Variants in SLC16A4 observed in about 807,000 individuals in gnomAD.
SLC16A4 encodes solute carrier family 16 member 4, also known as probable monocarboxylate transporter 5.
SLC16A4 carries 39 observed loss-of-function variants against 47.9 expected under a neutral mutation model. That is an observed-to-expected ratio of 0.81 (90% CI 0.63 to 1.06). The LOEUF is 1.06. Ranked by LOEUF, SLC16A4 falls within the 50% of genes least tolerant of loss-of-function variation. The pLI, the probability that SLC16A4 is intolerant of heterozygous loss-of-function variation, is 0.00. For missense variants in SLC16A4, 524 were observed against 573.8 expected (o/e 0.91, Z 0.89); for synonymous variants, 189 against 199.9 (o/e 0.95, Z 0.46).
At chr1:110,373,807 T>C (rs1661817884) in intron 8 of SLC16A4, among the ~76,000 whole-genome samples, 1 of 150,138 alleles carries the variant, frequency 6.7e-6, no homozygotes, top group African/African-American at 2.5e-5. Flanking sequence ...GCCGTGTAGC[T>C]GGGACTACAG....
intron 2 of SLC16A4, among the ~76,000 whole-genome samples, chr1:110,384,141 A>G (rs1278709827): frequency 6.6e-6 from 1 of 152,186 alleles, no homozygotes; most frequent in Non-Finnish European, 1.5e-5. Context: ...CCTCAGTAGC[A>G]TCTGTTAAAG....
At chr1:110,381,240 CT>C (rs1354747405) in intron 4 of SLC16A4, 97 bp from the exon 5 acceptor site, 4 of 1,110,764 alleles carry the variant, frequency 3.6e-6, no homozygotes, top group African/African-American at 3.1e-5. Flanking sequence ...ACAGCTAGGC[CT>C]TTTGGACCCA....
At position 110,377,155 on chromosome 1, in the gene SLC16A4, A is replaced by G. The variant is rs1299555233; in HGVS notation, c.1037T>C (p.Leu346Pro). Residue 346 changes from leucine to proline, a missense_variant, in exon 7 of 9, where the codon CTT becomes CCT. Leu to Pro is a moderately conservative substitution (Grantham distance 98). Coordinates refer to ENST00000369779, the MANE Select transcript of SLC16A4 (RefSeq NM_004696.3). ...AGAAATAATCTGACTGACCGTCTCA[A>G]GGATACCTGGAACAATATTGAAATC... is the stretch of plus-strand genomic sequence containing the variant. ...ASYLVSVAGI[L>P]ETVSQIISGW... is the part of the protein sequence containing the mutation. 6.2e-7 allele frequency: 1 copy of G among 1,613,376 alleles called. No individual in the cohort carries two copies. The highest frequency in any genetic ancestry group is 8.5e-7 in the Non-Finnish European group (1 of 1,179,374).
chr1:110,382,425 C>T (rs1039420658), intron 3 of SLC16A4, among the ~76,000 whole-genome samples: 9 of 151,962 alleles, frequency 5.9e-5, no homozygotes, highest in Non-Finnish European at 1.2e-4. Context: ...CACCACTGCA[C>T]TCCAACCTGG....
At chr1:110,373,217 T>G (rs1661778756) in intron 8 of SLC16A4, among the ~76,000 whole-genome samples, 1 of 152,222 alleles carries the variant, frequency 6.6e-6, no homozygotes, top group Non-Finnish European at 1.5e-5. Context: ...TGTTATAGTT[T>G]TGTTGCTTGT....
chr1:110,364,901 CT>C (rs879272474), intron 8 of SLC16A4, among the ~76,000 whole-genome samples: 344 of 142,128 alleles, frequency 2.4e-3, no homozygotes, highest in Admixed American at 3.0e-3. Flanking sequence ...ACTTTTTTTT[CT>C]TTTTTTTTTT....
intron 6 of SLC16A4, among the ~76,000 whole-genome samples, chr1:110,377,640 G>A (rs541986425): frequency 3.3e-5 from 5 of 152,204 alleles, no homozygotes; most frequent in African/African-American, 1.2e-4. Context: ...AATTGCATAC[G>A]AAGTTTTAGG....
intron 6 of SLC16A4, among the ~76,000 whole-genome samples, chr1:110,378,081 G>A (rs770871144): frequency 6.6e-6 from 1 of 152,060 alleles, no homozygotes; most frequent in African/African-American, 2.4e-5. Flanking sequence ...CACCTGCCTC[G>A]GCCTCCCAAA....
In SLC16A4 at chr1:110,376,937, T is replaced by A; in HGVS notation, c.1242+13A>T. 1.2e-6 allele frequency: 2 copies of A among 1,605,176 alleles called. No individual in the cohort carries two copies. Among genetic ancestry groups the A allele is most frequent in the African/African-American group, 2.7e-5 (2 of 74,856 alleles). On this transcript the variant is annotated intron_variant, in intron 7 of 8. Transcript: ENST00000369779. Reference sequence around the variant, plus strand: ...TAAATGGTTTAACAATGTTAATGAGTGTGTCTACTCACCAGTACAGGCAGT... The same window carrying A: ...TAAATGGTTTAACAATGTTAATGAGAGTGTCTACTCACCAGTACAGGCAGT...
At chr1:110,379,671 A>G in intron 5 of SLC16A4, 1 of 239,640 alleles carries the variant, frequency 4.2e-6, no homozygotes, top group South Asian at 1.1e-4. Context: ...AAAATTAAAT[A>G]GAAAATTTAA....
intron 2 of SLC16A4, among the ~76,000 whole-genome samples, chr1:110,384,660 G>C (rs950661144): frequency 1.3e-5 from 2 of 152,282 alleles, no homozygotes; most frequent in South Asian, 2.1e-4. Flanking sequence ...CAGGGGTTTC[G>C]TAGCGTTGGC....
At chr1:110,382,768 A>G (rs1013266999) in intron 3 of SLC16A4, 66 bp downstream of exon 3, 5 of 1,417,204 alleles carry the variant, frequency 3.5e-6, no homozygotes, top group Non-Finnish European at 4.7e-6. Context: ...AGTCTTGAAT[A>G]GGAATCTTGG....
At chr1:110,365,195 T>C (rs1264011343) in intron 8 of SLC16A4, among the ~76,000 whole-genome samples, 1 of 152,050 alleles carries the variant, frequency 6.6e-6, no homozygotes, top group Non-Finnish European at 1.5e-5. Flanking sequence ...CTGAACAAAA[T>C]AGATGAAAAT....
Position 110,389,289 on chromosome 1 carries a change from G to A in SLC16A4, c.35C>T (p.Thr12Ile). 1 of 1,614,034 alleles carries A rather than the reference G, an allele frequency of 6.2e-7. No homozygotes were observed. Among genetic ancestry groups the A allele is most frequent in the Non-Finnish European group, 8.5e-7 (1 of 1,179,844 alleles). ...LKREGKVQPY[T>I]KTLDGGWGWM... ...TCCCCATCCTCCATCCAGGGTTTTA[G>A]TGTAAGGTTGGACCTTCCCCTCCCT... The change falls in exon 2 of 9, where the codon ACT becomes ATT. Residue 12 changes from threonine to isoleucine, a missense_variant. Coordinates refer to ENST00000369779, the MANE Select transcript of SLC16A4 (RefSeq NM_004696.3).
chr1:110,380,564 G>A (rs1364875092), intron 5 of SLC16A4, among the ~76,000 whole-genome samples: 7 of 142,000 alleles, frequency 4.9e-5, no homozygotes, highest in Non-Finnish European at 7.5e-5. Flanking sequence ...CGATGGGGGA[G>A]GAGTTTTTTT....
chr1:110,363,604 C>T lies in SLC16A4; in HGVS notation c.*162G>A, dbSNP rs1009915791. On this transcript the variant is annotated 3_prime_UTR_variant, in exon 9 of 9. Coordinates refer to ENST00000369779, the MANE Select transcript of SLC16A4 (RefSeq NM_004696.3). ...TTGCGCCACTGCACTCCAGCCTGGG[C>T]GAAAGAGCGAGACTCCGTCTCAAAA... 6.2e-5 allele frequency: 37 copies of T among 599,546 alleles called. No homozygotes were observed. The highest frequency in any genetic ancestry group is 8.5e-5 in the Non-Finnish European group (34 of 399,582). 37.1% of individuals were successfully genotyped at this position (599,546 alleles called of 1,614,324 possible). A position where few individuals can be genotyped will look rare whatever the true frequency, so the allele number is the denominator to read the frequency against.
chr1:110,390,447 A>T (rs1570663542), intron 1 of SLC16A4, among the ~76,000 whole-genome samples: 1 of 152,206 alleles, frequency 6.6e-6, no homozygotes, highest in African/African-American at 2.4e-5. Flanking sequence ...CAGAAAAAAA[A>T]GTTGTAAAAG....
rs542273389 is a variant in SLC16A4 at position 110,380,058 on chromosome 1, C to CAAAAAAAAAAAAAAAAAAAAAAAAA, written c.527-703_527-702insTTTTTTTTTTTTTTTTTTTTTTTTT. Among the ~76,000 whole-genome samples the CAAAAAAAAAAAAAAAAAAAAAAAAA allele has an allele frequency of 3.7e-4, 36 of 96,230 alleles. 1 individual carries two copies. Among genetic ancestry groups the CAAAAAAAAAAAAAAAAAAAAAAAAA allele is most frequent in the South Asian group, 1.1e-3 (3 of 2,642 alleles). The allele number at this position is 96,230 out of a possible 152,430, so 63.1% of individuals were successfully genotyped here. The stretch of plus-strand genomic sequence containing the variant: ...AATGACAAAGCGAGAGAGCCTGTCT[C>CAAAAAAAAAAAAAAAAAAAAAAAAA]AAAAAAAAAAAAAAAGCAGCGGGAG... On this transcript the variant is annotated intron_variant, in intron 5 of 8. Coordinates refer to ENST00000369779, the MANE Select transcript of SLC16A4 (RefSeq NM_004696.3).
intron 8 of SLC16A4, 142 bp from the exon 9 acceptor site, chr1:110,364,035 C>A: frequency 1.3e-6 from 1 of 742,246 alleles, no homozygotes; most frequent in Non-Finnish European, 2.0e-6. Context: ...CCCTATTTTT[C>A]ACTGATGAAG....
Sources: gnomAD v4.1 joint callset for allele counts (sites outside exome capture counted in the v4.1 genomes callset) on GRCh38, gnomAD v4.1.1 for gene constraint, MANE v1.5 for transcripts, NCBI Gene and HGNC (gene_info 2026-07-23, HGNC 2026-07-21) for gene names.